The following ERICH3 variants were observed in gnomAD, a reference collection of about 807,000 sequenced individuals.
ERICH3 encodes the protein glutamate-rich protein 3.
A neutral mutation model predicts 131.1 loss-of-function variants in ERICH3; 126 were observed. The ratio of observed to expected loss-of-function variants is 0.96; its 90% confidence interval spans 0.83 to 1.11. The LOEUF (loss-of-function observed/expected upper bound fraction) is 1.11, where lower values mean the gene tolerates loss of function less well. Among genes scored for constraint, ERICH3 ranks in the 50% most tolerant of loss-of-function variants. The probability of loss-of-function intolerance (pLI) is 0.00; values close to 1 mark genes in which losing one functional copy is unlikely to be tolerated. For missense variants in ERICH3, 2,050 were observed against 1,810.7 expected (o/e 1.13, Z -2.40); for synonymous variants, 695 against 644.6 (o/e 1.08, Z -1.18).
chr1:74,583,976 GA>G lies in ERICH3; in HGVS notation c.2176+5654del, dbSNP rs535125893. Among the ~76,000 whole-genome samples, 140 of 152,212 alleles carry G rather than the reference GA, an allele frequency of 9.2e-4. No individual in the cohort carries two copies. In the Middle Eastern group the frequency reaches 0.01, roughly 11 times the overall value. On this transcript the variant is annotated intron_variant, in intron 12 of 14. Transcript: ENST00000326665. The stretch of plus-strand genomic sequence containing the variant: ...TCAAGAATTTTCATCTGTATTTTAA[GA>G]ATGAAAGAATGCCATAAAAACACCA...
intron 7 of ERICH3, chr1:74,623,833 A>G (rs1309434323): frequency 6.6e-6 from 1 of 152,108 alleles, no homozygotes; most frequent in Non-Finnish European, 1.5e-5. Context: ...AATACCTACT[A>G]TCTCCCAGTG....
intron 12 of ERICH3, among the ~76,000 whole-genome samples, chr1:74,577,939 C>A (rs1647098597): frequency 6.6e-6 from 1 of 152,124 alleles, no homozygotes. Context: ...GTGATTTGAC[C>A]CCAATATTCA....
chr1:74,588,443 GAA>G (rs1176530662), intron 12 of ERICH3, among the ~76,000 whole-genome samples: 4 of 152,092 alleles, frequency 2.6e-5, no homozygotes, highest in African/African-American at 9.7e-5. Flanking sequence ...AATATTGGTT[GAA>G]GTAATAGATA....
chr1:74,581,657 T>A (rs1015834178), intron 12 of ERICH3, among the ~76,000 whole-genome samples: 7 of 152,192 alleles, frequency 4.6e-5, no homozygotes, highest in African/African-American at 1.7e-4. Context: ...AAAAGGCACA[T>A]GGAGAATAAT....
At position 74,571,118 on chromosome 1, in the gene ERICH3, T is replaced by C. The variant is rs746770458; in HGVS notation, c.4592A>G (p.Ter1531TrpextTer31). Residue 1531 changes from the stop codon to tryptophan (W), a stop_lost, in exon 14 of 15, where the codon TAG becomes TGG. Coordinates refer to ENST00000326665, the MANE Select transcript of ERICH3 (RefSeq NM_001002912.5). ...ADVSPNNVQV* is the reference protein window; with the variant it reads ...ADVSPNNVQVW The stretch of plus-strand genomic sequence containing the variant: ...ACTCACTGTCTGCCAGCAAGTCTCC[T>C]AGACCTGCACGTTGTTGGGGGAAAC... The C allele has an allele frequency of 3.7e-6, 6 of 1,612,410 alleles. No individual in the cohort carries two copies. The highest frequency in any genetic ancestry group is 2.7e-5 in the African/African-American group (2 of 74,894).
At chr1:74,582,901 G>T (rs2100548571) in intron 12 of ERICH3, among the ~76,000 whole-genome samples, 1 of 152,132 alleles carries the variant, frequency 6.6e-6, no homozygotes, top group African/African-American at 2.4e-5. Flanking sequence ...GCCAAACATA[G>T]TTGCAGGGTA....
rs2100634162 is a variant in ERICH3 at position 74,641,354 on chromosome 1, C to A, written c.421G>T (p.Gly141Ter). The A allele has an allele frequency of 6.2e-7, 1 of 1,612,462 alleles. No homozygotes were observed. Among genetic ancestry groups the A allele is most frequent in the Non-Finnish European group, 8.5e-7 (1 of 1,179,158 alleles). The change falls in exon 5 of 15, where the codon GGA becomes TGA. Residue 141 changes from glycine to a stop codon, truncating the protein, a stop_gained. Coordinates refer to ENST00000326665, the MANE Select transcript of ERICH3 (RefSeq NM_001002912.5). LOFTEE classifies it high-confidence loss of function. ...NRGHSVLVDEGHSSPLALTAP... is the reference protein window; with the variant it reads ...NRGHSVLVDE ...ACCAGTGCTAACGGACTGGAATGTC[C>A]TTCATCAACCAGAACACTATGGCCA...
intron 9 of ERICH3, among the ~76,000 whole-genome samples, 184 bp from the exon 10 acceptor site, chr1:74,607,086 T>C (rs1280216194): frequency 1.3e-5 from 2 of 152,038 alleles, no homozygotes; most frequent in African/African-American, 2.4e-5. Context: ...TATTCTTTTT[T>C]GATACTAAAA....
At chr1:74,651,750 G>A (rs987153023) in intron 1 of ERICH3, among the ~76,000 whole-genome samples, 1 of 152,030 alleles carries the variant, frequency 6.6e-6, no homozygotes, top group Non-Finnish European at 1.5e-5. Context: ...GCTAAAACCC[G>A]ATTAAATGAA....
chr1:74,616,332 C>T (rs1395420461), intron 8 of ERICH3, among the ~76,000 whole-genome samples: 1 of 151,922 alleles, frequency 6.6e-6, no homozygotes. Flanking sequence ...GACTGTAGTT[C>T]TAATAAGGGC....
intron 10 of ERICH3, among the ~76,000 whole-genome samples, chr1:74,605,375 G>C (rs143465807): frequency 3.3e-5 from 5 of 152,010 alleles, no homozygotes; most frequent in South Asian, 4.1e-4. Flanking sequence ...TTCACTTGAA[G>C]TAGCACTCTT....
chr1:74,667,443 T>C (rs1459180796), intron 1 of ERICH3, among the ~76,000 whole-genome samples: 1 of 152,188 alleles, frequency 6.6e-6, no homozygotes, highest in Non-Finnish European at 1.5e-5. Context: ...ATTCCAATAA[T>C]TCAGTCTGCA....
At chr1:74,667,418 G>A (rs12137434) in intron 1 of ERICH3, among the ~76,000 whole-genome samples, 138 of 152,272 alleles carry the variant, frequency 9.1e-4, no homozygotes, top group Non-Finnish European at 1.8e-3. Context: ...AAGCGAGTAA[G>A]CCATAGCAGG....
intron 3 of ERICH3, 116 bp downstream of exon 3, chr1:74,646,551 T>C (rs936028865): frequency 3.2e-6 from 2 of 624,376 alleles, no homozygotes; most frequent in Admixed American, 8.3e-5. Flanking sequence ...CATTATTAAT[T>C]ATCATATTAG....
Position 74,576,916 on chromosome 1 carries a change from C to T in ERICH3, c.2197G>A (p.Ala733Thr). 2 of 1,597,730 alleles carry T rather than the reference C, an allele frequency of 1.3e-6. No homozygotes were observed. The highest frequency in any genetic ancestry group is 1.7e-6 in the Non-Finnish European group (2 of 1,174,050). The change falls in exon 13 of 15, where the codon GCC becomes ACC. Residue 733 changes from alanine to threonine, a missense_variant. Coordinates refer to ENST00000326665, the MANE Select transcript of ERICH3 (RefSeq NM_001002912.5). The part of the protein sequence containing the change: ...EEGGKDSLPL[A>T]YVLALGAPTM... ...TTACCACCAAGAGCCAGGACATAGG[C>T]TAATGGCAATGAATCCTTTCCTAGT...
rs778629001 is a variant in ERICH3, at chr1:74,576,941, T to C, written c.2177-5A>G. On this transcript the variant is annotated splice_region_variant and splice_polypyrimidine_tract_variant and intron_variant, in intron 12 of 14. Coordinates refer to ENST00000326665, the MANE Select transcript of ERICH3 (RefSeq NM_001002912.5). ...CTAATGGCAATGAATCCTTTCCTAG[T>C]TAAAAAAAAAAAAAAGAAAAAAAAG... The C allele has an allele frequency of 6.3e-7, 1 of 1,581,384 alleles. No homozygotes were observed. Among genetic ancestry groups the C allele is most frequent in the Non-Finnish European group, 8.6e-7 (1 of 1,167,590 alleles).
intron 7 of ERICH3, among the ~76,000 whole-genome samples, chr1:74,626,539 T>C (rs1006798657): frequency 6.6e-6 from 1 of 152,224 alleles, no homozygotes; most frequent in African/African-American, 2.4e-5. Context: ...ACATAACCAT[T>C]AAGTAGGTTC....
intron 12 of ERICH3, among the ~76,000 whole-genome samples, chr1:74,585,738 G>T (rs9661462): frequency 0.41 from 59,902 of 147,694 alleles, 13,117 homozygotes; most frequent in Non-Finnish European, 0.5. Context: ...GTTCCAGTCA[G>T]GGATCTAAGT....
At chr1:74,649,507 G>A (rs529110745) in intron 1 of ERICH3, among the ~76,000 whole-genome samples, 192 bp from the exon 2 acceptor site, 4 of 151,956 alleles carry the variant, frequency 2.6e-5, no homozygotes, top group African/African-American at 7.2e-5. Flanking sequence ...CTAGAAAATC[G>A]TCCTGATTTT....
Sources: gnomAD v4.1 joint callset for allele counts (sites outside exome capture counted in the v4.1 genomes callset) on GRCh38, gnomAD v4.1.1 for gene constraint, MANE v1.5 for transcripts, NCBI Gene and HGNC (gene_info 2026-07-23, HGNC 2026-07-21) for gene names.